The following CDH13 variants were observed in gnomAD, a reference collection of about 807,000 sequenced individuals.
The protein encoded by CDH13 is cadherin 13.
A neutral mutation model predicts 63.8 loss-of-function variants in CDH13; 24 were observed. The ratio of observed to expected loss-of-function variants is 0.38; its 90% CI spans 0.27 to 0.53. The LOEUF is 0.53. Among genes scored for constraint, CDH13 ranks in the 20% least tolerant of loss-of-function variants. The probability of loss-of-function intolerance (pLI) is 0.85; values close to 1 mark genes in which losing one functional copy is unlikely to be tolerated. For missense variants in CDH13, 1,049 were observed against 903.1 expected (o/e 1.16, Z -2.07); for synonymous variants, 503 against 355.3 (o/e 1.42, Z -4.67).
At chr16:83,205,846 A>G (rs562552812) in intron 4 of CDH13, among the ~76,000 whole-genome samples, 301 of 152,018 alleles carry the variant, frequency 2.0e-3, no homozygotes, top group Non-Finnish European at 3.2e-3. Flanking sequence ...CTTGTGATCC[A>G]CCCGTCTCGG....
At chr16:83,055,278 C>T (rs74460156) in intron 3 of CDH13, among the ~76,000 whole-genome samples, 4,779 of 151,254 alleles carry the variant, frequency 0.032, 248 homozygotes, top group African/African-American at 0.11. Context: ...AACAAAAATA[C>T]AATTTATAAC....
chr16:83,569,728 T>C (rs1175014767), intron 7 of CDH13, among the ~76,000 whole-genome samples: 1 of 151,860 alleles, frequency 6.6e-6, no homozygotes, highest in Non-Finnish European at 1.5e-5. Context: ...AAGCCAATGG[T>C]TTTTTTGTTT....
At chr16:83,667,066 A>T (rs189357430) in intron 8 of CDH13, among the ~76,000 whole-genome samples, 2 of 151,006 alleles carry the variant, frequency 1.3e-5, no homozygotes, top group Non-Finnish European at 3.0e-5. Context: ...TGGATGATGA[A>T]TGGAAGGATG....
At chr16:83,643,297 A>AAG (rs1555507565) in intron 8 of CDH13, among the ~76,000 whole-genome samples, 28 of 52,808 alleles carry the variant, frequency 5.3e-4, no homozygotes, top group African/African-American at 1.5e-3. Context: ...AAAAAAAAAA[A>AAG]AAAAGAAAAA....
In CDH13 at chr16:83,358,493, T is replaced by C. The variant is rs1300985465; in HGVS notation, c.781+13487T>C. 4.6e-5 allele frequency among the ~76,000 whole-genome samples: 7 copies of C among 152,188 alleles called. No homozygotes were observed. In the East Asian group the frequency reaches 1.3e-3, roughly 29 times the overall value. On this transcript the variant is annotated intron_variant, in intron 6 of 13. Transcript: ENST00000567109. The stretch of plus-strand genomic sequence containing the variant: ...TGGATTGCTTCTCTCCAGAATTATT[T>C]TACATAAGAGAATTATGAACTTCTG...
chr16:83,700,891 A>AT (rs926634295), intron 10 of CDH13, among the ~76,000 whole-genome samples: 10 of 152,018 alleles, frequency 6.6e-5, no homozygotes, highest in Admixed American at 6.6e-4. Context: ...AGTTGTGTTT[A>AT]TTTTTTTTAA....
chr16:82,862,016 G>A (rs534987385), intron 2 of CDH13, among the ~76,000 whole-genome samples: 1 of 152,344 alleles, frequency 6.6e-6, no homozygotes, highest in Admixed American at 6.5e-5. Flanking sequence ...AGTCAGCTTA[G>A]AAGGCAACCA....
intron 10 of CDH13, among the ~76,000 whole-genome samples, chr16:83,706,013 T>A (rs1906986820): frequency 6.6e-6 from 1 of 152,190 alleles, no homozygotes; most frequent in Admixed American, 6.5e-5. Context: ...TTTTCGTGTC[T>A]CTGTGGTTTT....
At chr16:83,196,224 C>G (rs1372732978) in intron 4 of CDH13, among the ~76,000 whole-genome samples, 5 of 151,996 alleles carry the variant, frequency 3.3e-5, no homozygotes, top group Non-Finnish European at 5.9e-5. Flanking sequence ...CCATTGCGCT[C>G]CAGCCTGGGC....
chr16:82,870,159 A>T (rs577251499), intron 2 of CDH13, among the ~76,000 whole-genome samples: 1 of 152,216 alleles, frequency 6.6e-6, no homozygotes, highest in Non-Finnish European at 1.5e-5. Context: ...TGGGCGAAAG[A>T]TATGAATTGA....
At chr16:83,523,908 A>G (rs1248476424) in intron 7 of CDH13, among the ~76,000 whole-genome samples, 1 of 152,216 alleles carries the variant, frequency 6.6e-6, no homozygotes, top group Non-Finnish European at 1.5e-5. Flanking sequence ...TCAGGACTCT[A>G]GAATGAAGAT....
chr16:82,852,405 T>C (rs1378954785), intron 1 of CDH13, among the ~76,000 whole-genome samples: 1 of 152,214 alleles, frequency 6.6e-6, no homozygotes, highest in Non-Finnish European at 1.5e-5. Flanking sequence ...GATTCTGGGC[T>C]CTTTCTATTG....
chr16:83,498,516 T>C (rs2074199487), intron 7 of CDH13, among the ~76,000 whole-genome samples: 4 of 152,230 alleles, frequency 2.6e-5, no homozygotes, highest in African/African-American at 9.6e-5. Context: ...AGTGTCACCA[T>C]GTGTCTTACA....
chr16:83,757,528 A>T (rs1482183445), intron 11 of CDH13, among the ~76,000 whole-genome samples: 2 of 152,198 alleles, frequency 1.3e-5, no homozygotes, highest in African/African-American at 4.8e-5. Flanking sequence ...CAGTGAACCA[A>T]GATCGCACCA....
At chr16:82,861,632 C>G (rs567448674) in intron 2 of CDH13, among the ~76,000 whole-genome samples, 8 of 152,102 alleles carry the variant, frequency 5.3e-5, no homozygotes, top group Admixed American at 1.3e-4. Context: ...TAATGGTCAC[C>G]TCCACTCCTT....
intron 1 of CDH13, among the ~76,000 whole-genome samples, chr16:82,703,453 G>C (rs1159315373): frequency 1.3e-5 from 2 of 152,124 alleles, no homozygotes; most frequent in African/African-American, 4.8e-5. Context: ...TACAGATGGA[G>C]GATAAATTTC....
intron 8 of CDH13, among the ~76,000 whole-genome samples, chr16:83,645,242 G>A (rs1056693238): frequency 6.6e-6 from 1 of 152,326 alleles, no homozygotes; most frequent in East Asian, 1.9e-4. Context: ...CCTGTCCTTT[G>A]CAGCAACATG....
intron 1 of CDH13, among the ~76,000 whole-genome samples, chr16:82,768,116 C>T (rs760641102): frequency 1.3e-5 from 2 of 152,172 alleles, no homozygotes; most frequent in Non-Finnish European, 2.9e-5. Context: ...GAAGCCTAAA[C>T]ATGAAGTCAT....
chr16:83,434,922 T>A (rs1410428187), intron 6 of CDH13, among the ~76,000 whole-genome samples: 1 of 146,182 alleles, frequency 6.8e-6, no homozygotes, highest in Non-Finnish European at 1.5e-5. Context: ...TTTATATATA[T>A]AATATATAAA....
Sources: gnomAD v4.1 joint callset for allele counts (sites outside exome capture counted in the v4.1 genomes callset) on GRCh38, gnomAD v4.1.1 for gene constraint, MANE v1.5 for transcripts, NCBI Gene and HGNC (gene_info 2026-07-23, HGNC 2026-07-21) for gene names.